CADM2: variants seen among roughly 807,000 people sequenced by gnomAD.
CADM2 encodes the protein immunoglobulin superfamily member 4D.
A neutral mutation model predicts 49.8 loss-of-function variants in CADM2; 12 were observed. That is an observed-to-expected ratio of 0.24 (90% CI 0.15 to 0.39). The LOEUF is 0.39. Ranked by LOEUF, CADM2 falls within the 10% of genes least tolerant of loss-of-function variation. The pLI is 1.00. For missense variants in CADM2, 378 were observed against 492.3 expected (o/e 0.77, Z 2.20); for synonymous variants, 214 against 175.4 (o/e 1.22, Z -1.74).
chr3:85,070,178 G>T (rs534879196), intron 1 of CADM2, among the ~76,000 whole-genome samples: 1 of 151,860 alleles, frequency 6.6e-6, no homozygotes, highest in South Asian at 2.1e-4. Flanking sequence ...TTATCTACTG[G>T]CACTTTTTTC....
At chr3:85,256,424 G>A (rs867779512) in intron 1 of CADM2, among the ~76,000 whole-genome samples, 19 of 152,054 alleles carry the variant, frequency 1.2e-4, no homozygotes, top group African/African-American at 4.3e-4. Context: ...TGAATCTGCC[G>A]GAGGAAATGC....
chr3:85,805,035 G>C (rs1379938161), intron 3 of CADM2, among the ~76,000 whole-genome samples: 3 of 152,016 alleles, frequency 2.0e-5, no homozygotes, highest in East Asian at 3.9e-4. Flanking sequence ...CCGCTTCCTC[G>C]GCTCCAGCAA....
chr3:85,380,408 G>A (rs2033835714), intron 1 of CADM2, among the ~76,000 whole-genome samples: 1 of 151,792 alleles, frequency 6.6e-6, no homozygotes, highest in South Asian at 2.1e-4. Context: ...ACAGTGTCTA[G>A]CATTTTAACA....
At chr3:86,040,375 G>C (rs774260447) in intron 8 of CADM2, among the ~76,000 whole-genome samples, 1 of 152,188 alleles carries the variant, frequency 6.6e-6, no homozygotes, top group Non-Finnish European at 1.5e-5. Flanking sequence ...AACCAATGCA[G>C]AGAAGTCCTT....
chr3:85,675,496 G>A (rs769155467), intron 1 of CADM2, among the ~76,000 whole-genome samples: 1 of 152,114 alleles, frequency 6.6e-6, no homozygotes, highest in Non-Finnish European at 1.5e-5. Context: ...TGGATCAGAG[G>A]ACTGATTTTT....
chr3:86,031,170 A>G (rs1734516047), intron 8 of CADM2, among the ~76,000 whole-genome samples: 1 of 151,844 alleles, frequency 6.6e-6, no homozygotes, highest in African/African-American at 2.4e-5. Flanking sequence ...TGCCAAATAC[A>G]TGATTCCCAT....
In CADM2 at chr3:85,223,627, A is replaced by C. The variant is rs201878732; in HGVS notation, c.61+263959A>C. ...ATTTTTTATTTTTTTATTACTCTTT[A>C]AGTTCTGGGGTACATGTGCACAACA... On this transcript the variant is annotated intron_variant, in intron 1 of 9. Coordinates refer to ENST00000383699, the MANE Select transcript of CADM2 (RefSeq NM_001167675.2). Among the ~76,000 whole-genome samples, 9 of 152,176 alleles carry C rather than the reference A, an allele frequency of 5.9e-5. No individual in the cohort carries two copies. In the East Asian group the frequency reaches 1.7e-3, roughly 29 times the overall value.
chr3:85,841,790 A>G (rs2074650190), intron 3 of CADM2, among the ~76,000 whole-genome samples: 1 of 152,038 alleles, frequency 6.6e-6, no homozygotes, highest in South Asian at 2.1e-4. Context: ...TTCTTTGTTT[A>G]ATATTTAATA....
At chr3:85,229,578 G>A (rs191226537) in intron 1 of CADM2, among the ~76,000 whole-genome samples, 1 of 152,206 alleles carries the variant, frequency 6.6e-6, no homozygotes, top group East Asian at 1.9e-4. Flanking sequence ...ATCCTATTTG[G>A]CCATCTTGCT....
At chr3:85,652,379 T>G (rs2065068152) in intron 1 of CADM2, among the ~76,000 whole-genome samples, 1 of 152,152 alleles carries the variant, frequency 6.6e-6, no homozygotes, top group Non-Finnish European at 1.5e-5. Flanking sequence ...TGATATCCGT[T>G]TATTTGGATT....
chr3:85,305,677 C>T (rs9309972), intron 1 of CADM2, among the ~76,000 whole-genome samples: 12 of 151,606 alleles, frequency 7.9e-5, no homozygotes, highest in African/African-American at 2.9e-4. Flanking sequence ...TGTAGTACAA[C>T]AGTTTCACCA....
At chr3:85,678,451 A>G (rs967075722) in intron 1 of CADM2, among the ~76,000 whole-genome samples, 2 of 152,166 alleles carry the variant, frequency 1.3e-5, no homozygotes, top group Admixed American at 6.6e-5. Context: ...ACTGGTCTTC[A>G]TGCTTGAAGT....
chr3:85,715,327 A>G (rs528230763), intron 1 of CADM2, among the ~76,000 whole-genome samples: 2 of 152,340 alleles, frequency 1.3e-5, no homozygotes, highest in East Asian at 3.9e-4. Context: ...TTATGAGCAA[A>G]AAGTATTTTT....
chr3:85,028,048 A>G (rs1024499280), intron 1 of CADM2, among the ~76,000 whole-genome samples: 1 of 152,164 alleles, frequency 6.6e-6, no homozygotes, highest in African/African-American at 2.4e-5. Context: ...AGATAGAAAA[A>G]AACCCAAACC....
At chr3:85,874,484 A>G (rs1271946998) in intron 3 of CADM2, among the ~76,000 whole-genome samples, 2 of 152,144 alleles carry the variant, frequency 1.3e-5, no homozygotes, top group Non-Finnish European at 2.9e-5. Flanking sequence ...TAAATGCTAC[A>G]TGAGAGTTAT....
intron 1 of CADM2, among the ~76,000 whole-genome samples, chr3:85,126,770 A>G (rs1290443354): frequency 6.6e-6 from 1 of 152,176 alleles, no homozygotes; most frequent in African/African-American, 2.4e-5. Context: ...AAAAATGAGT[A>G]GATTGATATC....
chr3:85,952,921 A>G (rs1478270078), intron 7 of CADM2, among the ~76,000 whole-genome samples: 2 of 151,092 alleles, frequency 1.3e-5, no homozygotes, highest in Admixed American at 6.6e-5. Flanking sequence ...TCAAAATAAG[A>G]TAATTTCATT....
At chr3:85,731,689 T>A (rs1447719749) in intron 2 of CADM2, among the ~76,000 whole-genome samples, 1 of 152,122 alleles carries the variant, frequency 6.6e-6, no homozygotes, top group Non-Finnish European at 1.5e-5. Context: ...CAGTATAAGA[T>A]GTGAATGATC....
chr3:84,963,279 A>G (rs1195399093), intron 1 of CADM2, among the ~76,000 whole-genome samples: 1 of 152,198 alleles, frequency 6.6e-6, no homozygotes, highest in Non-Finnish European at 1.5e-5. Context: ...CCTGTAACTA[A>G]GTCCTCTCTT....
Sources: allele counts gnomAD v4.1 joint callset (sites outside exome capture counted in the v4.1 genomes callset), GRCh38; gene constraint gnomAD v4.1.1; transcripts MANE v1.5; gene names NCBI Gene and HGNC (gene_info 2026-07-23, HGNC 2026-07-21).